The following LRMDA variants were observed in gnomAD, a reference collection of about 807,000 sequenced individuals.
LRMDA encodes the protein leucine-rich melanocyte differentiation-associated protein.
Under a neutral mutation model 29.8 loss-of-function variants are expected in LRMDA, and 18 were observed. That is an observed-to-expected ratio of 0.60 (90% CI 0.42 to 0.90). LRMDA has a LOEUF of 0.90. Among genes scored for constraint, LRMDA ranks in the 40% least tolerant of loss-of-function variants. The probability of loss-of-function intolerance (pLI) is 0.00; values close to 1 mark genes in which losing one functional copy is unlikely to be tolerated. For synonymous variants in LRMDA, 125 were observed against 109.4 expected (o/e 1.14, Z -0.89); for missense variants, 273 against 273.9 (o/e 1.00, Z 0.02).
chr10:76,321,574 A>ATGT (rs1840771805), intron 5 of LRMDA, among the ~76,000 whole-genome samples: 1 of 151,414 alleles, frequency 6.6e-6, no homozygotes, highest in African/African-American at 2.4e-5. Context: ...TTTATTGTAG[A>ATGT]TGTTGCAAAT....
chr10:76,112,190 CTCCT>C (rs1221533548), intron 5 of LRMDA, among the ~76,000 whole-genome samples: 1 of 152,176 alleles, frequency 6.6e-6, no homozygotes, highest in Non-Finnish European at 1.5e-5. Context: ...GGACCCCTGT[CTCCT>C]TCTAGCGGCG....
At chr10:75,984,817 T>G (rs908267562) in intron 2 of LRMDA, among the ~76,000 whole-genome samples, 1 of 152,218 alleles carries the variant, frequency 6.6e-6, no homozygotes, top group African/African-American at 2.4e-5. Context: ...CTGAGAGAAG[T>G]GGGCTCAAGA....
At chr10:76,119,060 T>C (rs1416777319) in intron 5 of LRMDA, among the ~76,000 whole-genome samples, 1 of 152,160 alleles carries the variant, frequency 6.6e-6, no homozygotes, top group Admixed American at 6.5e-5. Context: ...TTATTTTATC[T>C]TAATTAGTCC....
intron 6 of LRMDA, among the ~76,000 whole-genome samples, chr10:76,526,531 G>T (rs1252117384): frequency 3.9e-5 from 6 of 152,100 alleles, no homozygotes; most frequent in African/African-American, 1.4e-4. Context: ...TCATTGGGAG[G>T]CTGGAAAGTC....
intron 5 of LRMDA, among the ~76,000 whole-genome samples, chr10:76,147,324 A>G (rs1850345192): frequency 6.6e-6 from 1 of 152,104 alleles, no homozygotes; most frequent in South Asian, 2.1e-4. Context: ...AGGTACACCA[A>G]TCAGACGTAG....
At chr10:76,386,280 C>T (rs928761890) in intron 6 of LRMDA, among the ~76,000 whole-genome samples, 1 of 152,126 alleles carries the variant, frequency 6.6e-6, no homozygotes, top group Non-Finnish European at 1.5e-5. Flanking sequence ...TTATTAAATG[C>T]ATAAATGAAT....
chr10:75,635,922 A>G (rs1841385740), intron 2 of LRMDA, among the ~76,000 whole-genome samples: 1 of 152,118 alleles, frequency 6.6e-6, no homozygotes, highest in African/African-American at 2.4e-5. Flanking sequence ...CTCAATGGTT[A>G]GTGCTGGAGT....
At chr10:76,326,890 TC>T (rs1169398322) in intron 6 of LRMDA, among the ~76,000 whole-genome samples, 6 of 152,290 alleles carry the variant, frequency 3.9e-5, no homozygotes, top group South Asian at 2.1e-4. Context: ...TAGTAACATG[TC>T]GTATTTTGCT....
intron 2 of LRMDA, among the ~76,000 whole-genome samples, chr10:75,772,872 G>GTGA (rs35279816): frequency 7.8e-6 from 1 of 127,950 alleles, no homozygotes; most frequent in Non-Finnish European, 1.7e-5. Flanking sequence ...GGTGGGATGG[G>GTGA]GGGGGGCAGA....
At chr10:75,565,388 C>T (rs3898485) in intron 2 of LRMDA, among the ~76,000 whole-genome samples, 146,693 of 152,360 alleles carry the variant, frequency 0.96, 70,662 homozygotes, top group African/African-American at 0.99. Context: ...TGGAGGGTGC[C>T]TACCTGAAAT....
intron 5 of LRMDA, among the ~76,000 whole-genome samples, chr10:76,123,310 C>T (rs1038453160): frequency 7.3e-5 from 11 of 150,782 alleles, no homozygotes; most frequent in African/African-American, 2.7e-4. Context: ...TTTGAGACCA[C>T]CCTGGGTAAT....
rs2173657 is a variant in LRMDA at position 75,799,333 on chromosome 10, C to T, written c.132-236675C>T. Among the ~76,000 whole-genome samples the T allele has an allele frequency of 1.3e-4, 20 of 152,178 alleles. No homozygotes were observed. The East Asian group carries it at 1.5e-3, about 12-fold the overall frequency. On this transcript the variant is annotated intron_variant, in intron 2 of 6. Transcript: ENST00000611255. ...AAACCTCTGATCATAGTCTCTGCCT[C>T]GAAGCTTACTTTGTCCAATATCAGT...
intron 2 of LRMDA, among the ~76,000 whole-genome samples, chr10:75,749,275 C>T (rs1284171905): frequency 6.6e-6 from 1 of 151,956 alleles, no homozygotes; most frequent in Non-Finnish European, 1.5e-5. Context: ...ACGTGTTAAC[C>T]TACTCTTTAT....
At chr10:75,941,957 T>C (rs1407589438) in intron 2 of LRMDA, among the ~76,000 whole-genome samples, 5 of 152,208 alleles carry the variant, frequency 3.3e-5, no homozygotes, top group Non-Finnish European at 7.3e-5. Flanking sequence ...TAAAATATAG[T>C]GTTATACCTC....
chr10:76,240,421 G>GTA (rs1344630471), intron 5 of LRMDA, among the ~76,000 whole-genome samples: 2 of 147,312 alleles, frequency 1.4e-5, no homozygotes, highest in African/African-American at 5.0e-5. Context: ...ATATATTTGT[G>GTA]TATATATATG....
intron 5 of LRMDA, among the ~76,000 whole-genome samples, chr10:76,082,478 C>G (rs963418224): frequency 5.9e-5 from 9 of 151,938 alleles, no homozygotes; most frequent in African/African-American, 2.2e-4. Context: ...ACTAGGCAGC[C>G]TTTGTACCTG....
intron 5 of LRMDA, among the ~76,000 whole-genome samples, chr10:76,284,268 AC>A: frequency 6.6e-6 from 1 of 152,304 alleles, no homozygotes; most frequent in Middle Eastern, 3.4e-3. Context: ...TGAGGTAAGC[AC>A]AACGGTTCCG....
chr10:75,781,968 T>G (rs1448677133), intron 2 of LRMDA, among the ~76,000 whole-genome samples: 2 of 152,204 alleles, frequency 1.3e-5, no homozygotes, highest in East Asian at 3.9e-4. Flanking sequence ...GGCTGTGTCT[T>G]GGCTATCTCC....
At chr10:75,681,463 G>C (rs1405948444) in intron 2 of LRMDA, among the ~76,000 whole-genome samples, 1 of 152,096 alleles carries the variant, frequency 6.6e-6, no homozygotes, top group African/African-American at 2.4e-5. Context: ...ATCTAGGCCG[G>C]GTGGCTCTGC....
Sources: gnomAD v4.1 joint callset for allele counts (sites outside exome capture counted in the v4.1 genomes callset) on GRCh38, gnomAD v4.1.1 for gene constraint, MANE v1.5 for transcripts, NCBI Gene and HGNC (gene_info 2026-07-23, HGNC 2026-07-21) for gene names.